The following RNFT2 variants were observed in gnomAD, a reference collection of about 807,000 sequenced individuals.
RNFT2 encodes the protein E3 ubiquitin-protein ligase RNFT2.
In RNFT2, 36 loss-of-function variants were observed where a neutral mutation model predicts 53.0. That is an observed-to-expected ratio of 0.68 (90% CI 0.52 to 0.90). The LOEUF (loss-of-function observed/expected upper bound fraction) is 0.90. Among genes scored for constraint, RNFT2 ranks in the 40% least tolerant of loss-of-function variants. The pLI is 0.00. For missense variants in RNFT2, 514 were observed against 585.6 expected (o/e 0.88, Z 1.26); for synonymous variants, 260 against 253.2 (o/e 1.03, Z -0.26).
At chr12:116,784,971 G>T (rs1408236651) in intron 7 of RNFT2, among the ~76,000 whole-genome samples, 3 of 152,120 alleles carry the variant, frequency 2.0e-5, no homozygotes, top group Admixed American at 1.3e-4. Flanking sequence ...TCCAGGGGCT[G>T]CCCTTGTGCT....
intron 10 of RNFT2, among the ~76,000 whole-genome samples, chr12:116,848,099 T>TG (rs1877709830): frequency 6.6e-6 from 1 of 152,174 alleles, no homozygotes; most frequent in Non-Finnish European, 1.5e-5. Context: ...ATGTGGTGTT[T>TG]GGTTTTCTGT....
chr12:116,753,148 CTTTTTTTTTT>C (rs11377177), intron 4 of RNFT2, among the ~76,000 whole-genome samples: 1 of 93,690 alleles, frequency 1.1e-5, no homozygotes, highest in Non-Finnish European at 1.9e-5. Flanking sequence ...TTTTCTTTTT[CTTTTTTTTTT>C]TTTTTTTTTT....
intron 5 of RNFT2, among the ~76,000 whole-genome samples, chr12:116,764,022 A>G (rs543411530): frequency 1.4e-4 from 22 of 152,322 alleles, no homozygotes; most frequent in African/African-American, 5.3e-4. Flanking sequence ...ACTCAGCCAT[A>G]AAAAGGAATG....
At chr12:116,752,390 T>C (rs1872291507) in intron 4 of RNFT2, among the ~76,000 whole-genome samples, 1 of 152,200 alleles carries the variant, frequency 6.6e-6, no homozygotes, top group South Asian at 2.1e-4. Context: ...GCATCACAGC[T>C]AAGTTTTGTT....
intron 7 of RNFT2, among the ~76,000 whole-genome samples, chr12:116,810,564 A>G (rs1351949369): frequency 6.6e-6 from 1 of 152,144 alleles, no homozygotes; most frequent in Non-Finnish European, 1.5e-5. Flanking sequence ...AGGGAGACTC[A>G]CGTTCTTGGC....
chr12:116,806,381 A>AAATAT (rs1465646224), intron 7 of RNFT2, among the ~76,000 whole-genome samples: 30 of 133,480 alleles, frequency 2.2e-4, no homozygotes, highest in Admixed American at 7.4e-4. Flanking sequence ...AAAAAAAAAA[A>AAATAT]ATATATATAT....
At chr12:116,837,702 G>C (rs1877052113) in intron 10 of RNFT2, among the ~76,000 whole-genome samples, 1 of 152,140 alleles carries the variant, frequency 6.6e-6, no homozygotes, top group South Asian at 2.1e-4. Flanking sequence ...GAACAGAGAA[G>C]GGACATTAGT....
intron 10 of RNFT2, among the ~76,000 whole-genome samples, chr12:116,845,768 C>T (rs1313304390): frequency 4.6e-5 from 7 of 152,060 alleles, no homozygotes; most frequent in Non-Finnish European, 7.4e-5. Flanking sequence ...ATGGTCTTCG[C>T]GGCTCTGTGT....
intron 7 of RNFT2, among the ~76,000 whole-genome samples, chr12:116,806,564 A>T (rs1875090200): frequency 6.6e-6 from 1 of 151,928 alleles, no homozygotes; most frequent in Non-Finnish European, 1.5e-5. Context: ...TGGGCAACAT[A>T]GTGAGACACC....
chr12:116,779,274 C>G lies in RNFT2; in HGVS notation c.808C>G (p.Leu270Val). ...GATTGTGGGGATCGCAGACTTTGTT[C>G]TGAAGTACATCACCATCGCCCTCAA... ...LWIVGIADFV[L>V]KYITIALKCL... is the part of the protein sequence containing the mutation. The change falls in exon 7 of 11, where the codon CTG (leucine) becomes GTG (valine). Residue 270 changes from leucine (L) to valine (V), a missense_variant. By Grantham distance (32) the Leu-to-Val change is conservative. This residue lies in a region of RNFT2 where 273 missense variants were observed against 334.4 expected (regional missense o/e 0.82). Coordinates refer to ENST00000257575, the MANE Select transcript of RNFT2 (RefSeq NM_001382266.1). 1 of 1,614,012 alleles carries G rather than the reference C, an allele frequency of 6.2e-7. No homozygotes were observed. Among genetic ancestry groups the G allele is most frequent in the Non-Finnish European group, 8.5e-7 (1 of 1,179,898 alleles).
intron 7 of RNFT2, among the ~76,000 whole-genome samples, chr12:116,833,243 G>C (rs1231020706): frequency 6.6e-6 from 1 of 152,126 alleles, no homozygotes; most frequent in Non-Finnish European, 1.5e-5. Context: ...ACACAACTAG[G>C]TATTCATCCT....
At chr12:116,751,662 A>G (rs1872257559) in intron 4 of RNFT2, among the ~76,000 whole-genome samples, 1 of 152,084 alleles carries the variant, frequency 6.6e-6, no homozygotes, top group Non-Finnish European at 1.5e-5. Context: ...CAGCCTCCCA[A>G]AGTGCTGGGA....
intron 6 of RNFT2, among the ~76,000 whole-genome samples, chr12:116,775,388 C>T (rs961135128): frequency 2.6e-5 from 4 of 152,194 alleles, no homozygotes; most frequent in Non-Finnish European, 5.9e-5. Flanking sequence ...ATCTTGGCCT[C>T]CTGGGGACCC....
chr12:116,746,334 G>A (rs1246906263), intron 3 of RNFT2, among the ~76,000 whole-genome samples: 2 of 152,122 alleles, frequency 1.3e-5, no homozygotes, highest in African/African-American at 4.8e-5. Context: ...TGGGGTCGGG[G>A]CACCTGTCTT....
intron 7 of RNFT2, among the ~76,000 whole-genome samples, chr12:116,792,719 G>A (rs934275555): frequency 2.6e-5 from 4 of 151,990 alleles, no homozygotes; most frequent in Admixed American, 6.6e-5. Flanking sequence ...GTGCTCTCCC[G>A]AATCCTCATC....
intron 3 of RNFT2, among the ~76,000 whole-genome samples, chr12:116,744,234 A>AG (rs1232297923): frequency 6.6e-6 from 1 of 151,772 alleles, no homozygotes; most frequent in Admixed American, 6.6e-5. Flanking sequence ...TCAAAAAAAA[A>AG]AAAAAAAAAG....
Position 116,847,563 on chromosome 12 carries a change from C to T in RNFT2, c.1201-1751C>T, listed in dbSNP as rs374770163. Among the ~76,000 whole-genome samples, 9 of 148,504 alleles carry T rather than the reference C, an allele frequency of 6.1e-5. No homozygotes were observed. In the South Asian group the frequency reaches 1.5e-3, roughly 25 times the overall value. On this transcript the variant is annotated intron_variant, in intron 10 of 10. Transcript: ENST00000257575. ...TTTTTTTGAGGCAGAGTTTTGCTCT[C>T]GTTGCCCAGGCTGGAACACAATGGC...
Position 116,749,721 on chromosome 12 carries a change from T to A in RNFT2, c.84-120T>A, listed in dbSNP as rs949639748. 2.9e-5 allele frequency: 25 copies of A among 874,824 alleles called. No homozygotes were observed. The East Asian group carries it at 6.6e-4, about 23-fold the overall frequency. The allele number at this position is 874,824 out of a possible 1,614,324, so 54.2% of individuals were successfully genotyped here. A position where few individuals can be genotyped will look rare whatever the true frequency, so the allele number is the denominator to read the frequency against. On this transcript the variant is annotated intron_variant, in intron 3 of 10. Coordinates refer to ENST00000257575, the MANE Select transcript of RNFT2 (RefSeq NM_001382266.1). ...CCTGGGAGGAAGGACTTCATGTGAA[T>A]TTGAGGGGGACACAGCTCAACCCAT...
intron 3 of RNFT2, among the ~76,000 whole-genome samples, chr12:116,744,699 C>G (rs188402028): frequency 1.7e-3 from 260 of 152,276 alleles, no homozygotes; most frequent in Non-Finnish European, 3.2e-3. Context: ...GCCTCTGTCC[C>G]CCTAAGGAAT....
Sources: allele counts gnomAD v4.1 joint callset (sites outside exome capture counted in the v4.1 genomes callset), GRCh38; gene constraint gnomAD v4.1.1; regional missense constraint gnomAD v4.1.1; transcripts MANE v1.5; gene names NCBI Gene and HGNC (gene_info 2026-07-23, HGNC 2026-07-21).